PTPRG: variants seen among roughly 807,000 people sequenced by gnomAD.
PTPRG encodes the protein protein tyrosine phosphatase receptor type G.
Under a neutral mutation model 165.3 loss-of-function variants are expected in PTPRG, and 102 were observed. The ratio of observed to expected loss-of-function variants is 0.62; its 90% CI spans 0.53 to 0.73. The LOEUF is 0.73. Ranked by LOEUF, PTPRG falls within the 30% of genes least tolerant of loss-of-function variation. The pLI is 0.00. For synonymous variants in PTPRG, 675 were observed against 669.5 expected (o/e 1.01, Z -0.13); for missense variants, 1,866 against 1,861.4 (o/e 1.00, Z -0.05).
intron 2 of PTPRG, among the ~76,000 whole-genome samples, chr3:61,934,399 C>T (rs1013364055): frequency 3.3e-5 from 5 of 151,840 alleles, no homozygotes; most frequent in African/African-American, 9.7e-5. Context: ...TCGGTGTGTG[C>T]ATTTGCAATC....
In PTPRG at chr3:62,277,628, T is replaced by G. The variant is rs1416405453; in HGVS notation, c.3714T>G (p.Ile1238Met). 6.2e-7 allele frequency: 1 copy of G among 1,612,906 alleles called. No individual in the cohort carries two copies. The highest frequency in any genetic ancestry group is 8.5e-7 in the Non-Finnish European group (1 of 1,179,364). ...PHTTKDFWRM[I>M]WDHNAQIIVM... Reference sequence around the variant, plus strand: ...CTACGAAAGATTTCTGGCGAATGATTTGGGATCATAACGCACAGATCATTG... The same window carrying G: ...CTACGAAAGATTTCTGGCGAATGATGTGGGATCATAACGCACAGATCATTG... The change falls in exon 26 of 30, where the codon ATT (isoleucine) becomes ATG (methionine). Residue 1238 changes from isoleucine (I) to methionine (M), a missense_variant. By Grantham distance (10) the Ile-to-Met change is conservative. Transcript: ENST00000474889.
intron 4 of PTPRG, among the ~76,000 whole-genome samples, chr3:62,057,146 G>A (rs1177566810): frequency 6.6e-6 from 1 of 152,304 alleles, no homozygotes; most frequent in East Asian, 1.9e-4. Context: ...GGAGGTATTT[G>A]CAATTGAGAT....
At chr3:62,124,046 C>A (rs1703186467) in intron 5 of PTPRG, among the ~76,000 whole-genome samples, 1 of 152,066 alleles carries the variant, frequency 6.6e-6, no homozygotes. Context: ...GGAAGATGAT[C>A]ATTCTTAGTT....
At position 62,133,775 on chromosome 3, in the gene PTPRG, G is replaced by A. The variant is rs541799202; in HGVS notation, c.682+1107G>A. On this transcript the variant is annotated intron_variant, in intron 6 of 29. Coordinates refer to ENST00000474889, the MANE Select transcript of PTPRG (RefSeq NM_002841.4). ...CGAAGTGGGTGGATCACCTGAAGTC[G>A]AGAGTTTGAGACCAGCCTGGCCAAC... Among the ~76,000 whole-genome samples, 6 of 152,166 alleles carry A rather than the reference G, an allele frequency of 3.9e-5. No individual in the cohort carries two copies. In the South Asian group the frequency reaches 1.0e-3, roughly 26 times the overall value.
chr3:62,276,013 ATGTT>A (rs1186085531), intron 24 of PTPRG, 47 bp downstream of exon 24: 1 of 1,420,848 alleles, frequency 7.0e-7, no homozygotes. Context: ...ACTGGATTGT[ATGTT>A]AGGTACAGAG....
At chr3:62,287,432 T>C (rs1229132520) in intron 28 of PTPRG, among the ~76,000 whole-genome samples, 1 of 152,120 alleles carries the variant, frequency 6.6e-6, no homozygotes, top group Non-Finnish European at 1.5e-5. Context: ...TAAAGGAAGA[T>C]TTTATGAAAT....
intron 2 of PTPRG, among the ~76,000 whole-genome samples, chr3:61,960,369 A>G (rs566700935): frequency 1.3e-5 from 2 of 152,158 alleles, no homozygotes; most frequent in East Asian, 3.9e-4. Flanking sequence ...GGCCATCTGT[A>G]TCAGGGTGAT....
At chr3:62,000,501 G>A (rs1163999218) in intron 3 of PTPRG, among the ~76,000 whole-genome samples, 1 of 152,102 alleles carries the variant, frequency 6.6e-6, no homozygotes, top group Non-Finnish European at 1.5e-5. Context: ...AAGGAGACCA[G>A]AGTCACATCC....
intron 2 of PTPRG, among the ~76,000 whole-genome samples, chr3:61,839,340 G>A (rs1252009495): frequency 6.6e-6 from 1 of 152,192 alleles, no homozygotes; most frequent in Non-Finnish European, 1.5e-5. Flanking sequence ...ACAGAATGTA[G>A]TAGACACAAG....
At chr3:62,066,078 G>A (rs1399941349) in intron 4 of PTPRG, among the ~76,000 whole-genome samples, 1 of 152,096 alleles carries the variant, frequency 6.6e-6, no homozygotes, top group Non-Finnish European at 1.5e-5. Flanking sequence ...TTTGTGACAA[G>A]CTTTCTTGGA....
chr3:62,016,342 A>G (rs2041543614), intron 4 of PTPRG, among the ~76,000 whole-genome samples: 1 of 151,874 alleles, frequency 6.6e-6, no homozygotes. Context: ...AATTTTTTGT[A>G]TTTTTAGTAG....
At chr3:62,286,658 T>C (rs1257865800) in intron 28 of PTPRG, among the ~76,000 whole-genome samples, 1 of 151,830 alleles carries the variant, frequency 6.6e-6, no homozygotes, top group Admixed American at 6.6e-5. Context: ...ATGAAAAAAA[T>C]AGGGTTTTTT....
intron 25 of PTPRG, 144 bp from the exon 26 acceptor site, chr3:62,277,407 A>C (rs1702266060): frequency 1.2e-5 from 11 of 919,776 alleles, no homozygotes; most frequent in Non-Finnish European, 1.8e-5. Flanking sequence ...ACATCTAAAA[A>C]TTAGCCAAAT....
intron 27 of PTPRG, 35 bp downstream of exon 27, chr3:62,281,744 A>G: frequency 6.4e-7 from 1 of 1,564,318 alleles, no homozygotes; most frequent in South Asian, 1.2e-5. Flanking sequence ...TAATAGCCAT[A>G]CCTGGGCCCT....
chr3:62,119,900 C>T (rs551680138), intron 5 of PTPRG, among the ~76,000 whole-genome samples: 5 of 150,100 alleles, frequency 3.3e-5, no homozygotes, highest in African/African-American at 1.2e-4. Flanking sequence ...TCCCAAAGTG[C>T]TGGAATTACA....
rs184163093 is a variant in PTPRG, at chr3:62,229,559, G to A, written c.2289-1666G>A. Among the ~76,000 whole-genome samples, 8 of 152,272 alleles carry A rather than the reference G, an allele frequency of 5.3e-5. No individual in the cohort carries two copies. Among genetic ancestry groups the A allele is most frequent in the Admixed American group, 2.6e-4 (4 of 15,298 alleles). On this transcript the variant is annotated intron_variant, in intron 13 of 29. Transcript: ENST00000474889. This position sits in a 1 kb window ranked among gnomAD's most constrained non-coding sequence, Gnocchi z 4.6. ...GCTGGACTGATTCTGTTAGGGAAGCGGTGGGTGGGTAAATTTTTAAACCAA... is the reference window on the plus strand; with the variant it reads ...GCTGGACTGATTCTGTTAGGGAAGCAGTGGGTGGGTAAATTTTTAAACCAA...
At chr3:62,259,491 G>A (rs945006387) in intron 16 of PTPRG, among the ~76,000 whole-genome samples, 5 of 152,140 alleles carry the variant, frequency 3.3e-5, no homozygotes, top group African/African-American at 1.2e-4. Context: ...GGCCGCCTGT[G>A]GCCTGTGGGC....
chr3:61,687,309 A>G (rs1479374512), intron 1 of PTPRG, among the ~76,000 whole-genome samples: 1 of 152,244 alleles, frequency 6.6e-6, no homozygotes, highest in Non-Finnish European at 1.5e-5. Flanking sequence ...GTGGGTGCCC[A>G]TAGATTCAGA....
At chr3:62,126,977 A>G (rs1413625724) in intron 5 of PTPRG, among the ~76,000 whole-genome samples, 4 of 152,248 alleles carry the variant, frequency 2.6e-5, no homozygotes, top group African/African-American at 9.6e-5. Context: ...ACATTTCTAT[A>G]TCAGAAACTA....
Sources: gnomAD v4.1 joint callset for allele counts (sites outside exome capture counted in the v4.1 genomes callset) on GRCh38, gnomAD v4.1.1 for gene constraint, Gnocchi (gnomAD v3.1) non-coding constraint, MANE v1.5 for transcripts, NCBI Gene and HGNC (gene_info 2026-07-23, HGNC 2026-07-21) for gene names.